Variants in TUT1 observed in about 807,000 individuals in gnomAD.
The protein encoded by TUT1 is speckle targeted PIP5K1A-regulated poly(A) polymerase.
Under a neutral mutation model 48.8 loss-of-function variants are expected in TUT1, and 26 were observed. That is an observed-to-expected ratio of 0.53 (90% CI 0.39 to 0.74). The LOEUF (loss-of-function observed/expected upper bound fraction) is 0.74, where lower values mean the gene tolerates loss of function less well. TUT1 is among the 30% of genes least tolerant of loss of function. TUT1 has a pLI of 0.00. For missense variants in TUT1, 1,065 were observed against 1,114.8 expected, an observed-to-expected ratio of 0.96 and a Z score of 0.64; for synonymous variants, 470 against 460.8, an observed-to-expected ratio of 1.02 and a Z score of -0.26.
chr11:62,582,194 G>T (rs1343204069), intron 2 of TUT1, among the ~76,000 whole-genome samples: 1 of 152,004 alleles, frequency 6.6e-6, no homozygotes, highest in Admixed American at 6.6e-5. Context: ...TGTTGGCCAG[G>T]CTGGTCTCTA....
Position 62,587,458 on chromosome 11 carries a change from G to C in TUT1, c.273+1573C>G, listed in dbSNP as rs561902009. Among the ~76,000 whole-genome samples, 3 of 152,352 alleles carry C rather than the reference G, an allele frequency of 2.0e-5. No homozygotes were observed. The South Asian group carries it at 6.2e-4, about 32-fold the overall frequency. On this transcript the variant is annotated intron_variant, in intron 2 of 8. Coordinates refer to ENST00000476907, the MANE Select transcript of TUT1 (RefSeq NM_022830.3). ...AGCCTACCAAAGTGCTGGGATTACA[G>C]GCGTGAGCCACTGGACCTGGCCGAC...
intron 2 of TUT1, among the ~76,000 whole-genome samples, chr11:62,588,169 G>A (rs1377357873): frequency 1.3e-5 from 2 of 152,200 alleles, no homozygotes; most frequent in African/African-American, 4.8e-5. Flanking sequence ...AAAGTTAGCT[G>A]TGAATAAATA....
chr11:62,579,001 C>G lies in TUT1; in HGVS notation c.720G>C (p.Ser240=), dbSNP rs760625974. The change falls in exon 5 of 9, where the codon TCG becomes TCC. Residue 240 remains serine, a synonymous_variant. Coordinates refer to ENST00000476907, the MANE Select transcript of TUT1 (RefSeq NM_022830.3). ...QPVPKAPESP[S]LDSALASPLD... Reference sequence around the variant, plus strand: ...GTGGGGAAGCCAGGGCCGAGTCCAGCGATGGAGATTCTGGAGCCTTTGGGA... The same window carrying G: ...GTGGGGAAGCCAGGGCCGAGTCCAGGGATGGAGATTCTGGAGCCTTTGGGA... 6.6e-7 allele frequency: 1 copy of G among 1,513,934 alleles called. No homozygotes were observed. The highest frequency in any genetic ancestry group is 1.3e-5 in the South Asian group (1 of 74,344). The allele number at this position is 1,513,934 out of a possible 1,614,324, so 93.8% of individuals were successfully genotyped here.
intron 1 of TUT1, among the ~76,000 whole-genome samples, chr11:62,590,241 C>G (rs1307614095): frequency 6.6e-6 from 1 of 152,220 alleles, no homozygotes; most frequent in East Asian, 1.9e-4. Flanking sequence ...GCCTGTAATC[C>G]CAGCACTTTG....
chr11:62,579,295 C>T (rs1198979165), intron 4 of TUT1, among the ~76,000 whole-genome samples: 1 of 152,116 alleles, frequency 6.6e-6, no homozygotes, highest in Non-Finnish European at 1.5e-5. Context: ...CTGTAACAGT[C>T]CATTGACAGG....
rs1263908550 is a variant in TUT1, at chr11:62,578,760, C to G, written c.961G>C (p.Gly321Arg). ...GTCTCTGCTAGTTCCGAGGCCTTCCCCAGGTCCCCCTCTTCCCTGTCCTCT... is the reference window on the plus strand; with the variant it reads ...GTCTCTGCTAGTTCCGAGGCCTTCCGCAGGTCCCCCTCTTCCCTGTCCTCT... The part of the protein sequence containing the change: ...LLEDREEGDL[G>R]KASELAETPK... The change falls in exon 5 of 9, where the codon GGG becomes CGG. Residue 321 changes from glycine to arginine, a missense_variant. Transcript: ENST00000476907. The G allele has an allele frequency of 3.7e-6, 6 of 1,614,046 alleles. No homozygotes were observed. The highest frequency in any genetic ancestry group is 5.1e-6 in the Non-Finnish European group (6 of 1,180,048).
chr11:62,585,104 G>T (rs1293511204), intron 2 of TUT1, among the ~76,000 whole-genome samples: 1 of 152,112 alleles, frequency 6.6e-6, no homozygotes, highest in Non-Finnish European at 1.5e-5. Flanking sequence ...TTACAGGTGT[G>T]AGCCACCTGG....
At chr11:62,584,127 ATTTTT>A (rs1190506956) in intron 2 of TUT1, among the ~76,000 whole-genome samples, 1 of 133,298 alleles carries the variant, frequency 7.5e-6, no homozygotes, top group Non-Finnish European at 1.6e-5. Flanking sequence ...ACTGAATTGT[ATTTTT>A]TTTTTTTTTT....
At position 62,577,040 on chromosome 11, in the gene TUT1, C is replaced by T. The variant is rs374902936; in HGVS notation, c.1271-23G>A. The T allele has an allele frequency of 1.2e-5, 20 of 1,610,120 alleles. No individual in the cohort carries two copies. In the African/African-American group the frequency reaches 1.5e-4, roughly 12 times the overall value. Reference sequence around the variant, plus strand: ...TCCCTGGGTAAATAAGCAATAATTCCGGTTAGATCAGAGGTGCTTCTAATC... The same window carrying T: ...TCCCTGGGTAAATAAGCAATAATTCTGGTTAGATCAGAGGTGCTTCTAATC... On this transcript the variant is annotated intron_variant, in intron 6 of 8. Transcript: ENST00000476907.
Position 62,575,191 on chromosome 11 carries a change from A to C in TUT1, c.2528T>G (p.Leu843Arg), listed in dbSNP as rs752092769. 1 of 1,611,842 alleles carries C rather than the reference A, an allele frequency of 6.2e-7. No homozygotes were observed. The highest frequency in any genetic ancestry group is 1.1e-5 in the South Asian group (1 of 91,044). Reference protein sequence around the residue: ...VASVSPADRMLTVTPLQDPQG... With the variant: ...VASVSPADRMRTVTPLQDPQG... ...GGGATCCTGGAGCGGGGTCACAGTGAGCATTCGGTCAGCCGGGGAGACAGA... is the reference window on the plus strand; with the variant it reads ...GGGATCCTGGAGCGGGGTCACAGTGCGCATTCGGTCAGCCGGGGAGACAGA... Residue 843 changes from leucine to arginine, a missense_variant, in exon 9 of 9, where the codon CTC becomes CGC. Physicochemically the swap from Leu to Arg is moderately radical, Grantham distance 102. Transcript: ENST00000476907.
intron 2 of TUT1, chr11:62,582,414 T>C (rs1249290740): frequency 3.6e-6 from 1 of 281,246 alleles, no homozygotes; most frequent in Non-Finnish European, 7.2e-6. Context: ...AACCACACCC[T>C]GTCTCAAAAA....
chr11:62,588,981 A>G lies in TUT1; in HGVS notation c.273+50T>C, dbSNP rs777601518. The G allele has an allele frequency of 8.4e-6, 13 of 1,550,760 alleles. No homozygotes were observed. The South Asian group carries it at 1.5e-4, about 18-fold the overall frequency. ...AGTGATGGGATTACAGGCGTGAGCC[A>G]TCGCGCCCAGCACTGATTCATTCTT... On this transcript the variant is annotated intron_variant, in intron 2 of 8. Coordinates refer to ENST00000476907, the MANE Select transcript of TUT1 (RefSeq NM_022830.3).
chr11:62,587,763 C>G lies in TUT1; in HGVS notation c.273+1268G>C, dbSNP rs917352706. On this transcript the variant is annotated intron_variant, in intron 2 of 8. Coordinates refer to ENST00000476907, the MANE Select transcript of TUT1 (RefSeq NM_022830.3). ...TGGGCTGCAAAGGGATATTTTGGAT[C>G]ACCTAAGCCATGCCTACATAACAAG... 2.6e-5 allele frequency among the ~76,000 whole-genome samples: 4 copies of G among 152,220 alleles called. No homozygotes were observed. In the East Asian group the frequency reaches 7.7e-4, roughly 29 times the overall value.
rs1941706860 is a variant in TUT1, at chr11:62,575,534, G to T, written c.2185C>A (p.Gln729Lys). ...GKHGAPGEEGQPSHAALAERG... is the reference protein window; with the variant it reads ...GKHGAPGEEGKPSHAALAERG... ...TCTGCCAGGGCTGCGTGGCTGGGCT[G>T]CCCCTCTTCTCCAGGGGCTCCATGC... The change falls in exon 9 of 9, where the codon CAG (glutamine) becomes AAG (lysine). Residue 729 changes from glutamine to lysine, a missense_variant. Coordinates refer to ENST00000476907, the MANE Select transcript of TUT1 (RefSeq NM_022830.3). 3.1e-6 allele frequency: 5 copies of T among 1,613,634 alleles called. No homozygotes were observed. Among genetic ancestry groups the T allele is most frequent in the Non-Finnish European group, 4.2e-6 (5 of 1,180,052 alleles).
Position 62,575,090 on chromosome 11 carries a change from G to A in TUT1, c.*4C>T, listed in dbSNP as rs777495837. On this transcript the variant is annotated 3_prime_UTR_variant, in exon 9 of 9. Coordinates refer to ENST00000476907, the MANE Select transcript of TUT1 (RefSeq NM_022830.3). Reference sequence around the variant, plus strand: ...AGCTTTATTGCCCTTCAGGGGCCATGTCTTCACTTGAGATGTCGAATTGCT... The same window carrying A: ...AGCTTTATTGCCCTTCAGGGGCCATATCTTCACTTGAGATGTCGAATTGCT... 2.6e-6 allele frequency: 4 copies of A among 1,556,890 alleles called. 1 individual carries two copies. Among genetic ancestry groups the A allele is most frequent in the Non-Finnish European group, 1.7e-6 (2 of 1,151,318 alleles).
rs756184040 is a variant in TUT1 at position 62,578,809 on chromosome 11, A to C, written c.912T>G (p.Ser304=). 3.7e-6 allele frequency: 6 copies of C among 1,613,968 alleles called. No homozygotes were observed. Among genetic ancestry groups the C allele is most frequent in the Non-Finnish European group, 4.2e-6 (5 of 1,179,984 alleles). ...LASETLASPQ[S]LPPASPLLED... is the part of the protein sequence containing the mutation. ...CTAGCAGTGGTGAAGCTGGAGGCAG[A>C]GACTGGGGAGAAGCAAGGGTCTCGG... Residue 304 remains serine (S), a synonymous_variant, in exon 5 of 9, where the codon TCT becomes TCG. Coordinates refer to ENST00000476907, the MANE Select transcript of TUT1 (RefSeq NM_022830.3).
chr11:62,583,000 C>T (rs1381402167), intron 2 of TUT1, among the ~76,000 whole-genome samples: 2 of 151,852 alleles, frequency 1.3e-5, no homozygotes, highest in South Asian at 2.1e-4. Flanking sequence ...TGGTGGTGGG[C>T]GCCTGTAGTC....
At chr11:62,581,049 G>A (rs1329601365) in intron 4 of TUT1, 57 bp downstream of exon 4, 2 of 1,394,808 alleles carry the variant, frequency 1.4e-6, no homozygotes, top group East Asian at 2.3e-5. Context: ...CTTGCCCACA[G>A]TCACATGGCC....
At position 62,576,110 on chromosome 11, in the gene TUT1, C is replaced by G; in HGVS notation, c.1609G>C (p.Gly537Arg). The change falls in exon 9 of 9, where the codon GGC (glycine) becomes CGC (arginine). Residue 537 changes from glycine to arginine, a missense_variant. Coordinates refer to ENST00000476907, the MANE Select transcript of TUT1 (RefSeq NM_022830.3). ...PSNLWEGLRLGPLNLQDPFDL... is the reference protein window; with the variant it reads ...PSNLWEGLRLRPLNLQDPFDL... ...AAAGGGTCCTGGAGATTCAGGGGGC[C>G]AAGGCGCAGACCCTCCCAGAGATTA... 2 of 1,614,044 alleles carry G rather than the reference C, an allele frequency of 1.2e-6. No homozygotes were observed. Among genetic ancestry groups the G allele is most frequent in the East Asian group, 2.2e-5 (1 of 44,882 alleles).
Sources: gnomAD v4.1 joint callset for allele counts (sites outside exome capture counted in the v4.1 genomes callset) on GRCh38, gnomAD v4.1.1 for gene constraint, MANE v1.5 for transcripts, NCBI Gene and HGNC (gene_info 2026-07-23, HGNC 2026-07-21) for gene names.